The following DCC variants were observed in gnomAD, a reference collection of about 807,000 sequenced individuals.
DCC encodes DCC netrin 1 receptor.
A neutral mutation model predicts 172.5 loss-of-function variants in DCC; 58 were observed. That is an observed-to-expected ratio of 0.34 (90% CI 0.27 to 0.42). The LOEUF is 0.42. Ranked by LOEUF, DCC falls within the 10% of genes least tolerant of loss-of-function variation. The pLI is 1.00. For synonymous variants in DCC, 709 were observed against 644.5 expected, an observed-to-expected ratio of 1.10 and a Z score of -1.52; for missense variants, 1,740 against 1,791.0, an observed-to-expected ratio of 0.97 and a Z score of 0.51.
intron 28 of DCC, among the ~76,000 whole-genome samples, chr18:53,529,982 A>G (rs1187811050): frequency 1.3e-5 from 2 of 152,194 alleles, no homozygotes; most frequent in African/African-American, 2.4e-5. Flanking sequence ...CACAAACTAA[A>G]GTCATAATCT....
At chr18:53,090,935 G>C (rs985335458) in intron 7 of DCC, among the ~76,000 whole-genome samples, 2 of 151,802 alleles carry the variant, frequency 1.3e-5, no homozygotes, top group Non-Finnish European at 2.9e-5. Context: ...CATGTGTCCT[G>C]GGGTTCCTGA....
chr18:53,055,572 G>A (rs186042455), intron 5 of DCC, among the ~76,000 whole-genome samples: 4 of 152,230 alleles, frequency 2.6e-5, no homozygotes, highest in East Asian at 1.9e-4. Flanking sequence ...TTTCCAACGT[G>A]TAATACATTC....
intron 1 of DCC, among the ~76,000 whole-genome samples, chr18:52,571,193 A>C (rs1338664914): frequency 6.6e-6 from 1 of 152,132 alleles, no homozygotes; most frequent in African/African-American, 2.4e-5. Context: ...TCAGCTCCCC[A>C]AACTCCAATG....
chr18:53,530,546 CTCTCAT>C lies in DCC; in HGVS notation c.4255-13_4255-8del. 1 of 1,336,230 alleles carries C rather than the reference CTCTCAT, an allele frequency of 7.5e-7. No individual in the cohort carries two copies. The highest frequency in any genetic ancestry group is 1.2e-5 in the South Asian group (1 of 85,582). 82.8% of individuals were successfully genotyped at this position (1,336,230 alleles called of 1,614,324 possible). A position where few individuals can be genotyped will look rare whatever the true frequency, so the allele number is the denominator to read the frequency against. On this transcript the variant is annotated splice_polypyrimidine_tract_variant and intron_variant, in intron 28 of 28. Coordinates refer to ENST00000442544, the MANE Select transcript of DCC (RefSeq NM_005215.4). ...ATCAATATTTGTTACTAACTCTTGGCTCTCATTCTCTTTATAGGTGTATGAACAGGA... is the reference window on the plus strand; with the variant it reads ...ATCAATATTTGTTACTAACTCTTGGCTCTCTTTATAGGTGTATGAACAGGA...
At chr18:53,327,728 G>A (rs1056181217) in intron 14 of DCC, among the ~76,000 whole-genome samples, 3 of 152,254 alleles carry the variant, frequency 2.0e-5, no homozygotes, top group Middle Eastern at 3.4e-3. Context: ...ATTGGGGTAA[G>A]GAGTGCGATT....
intron 1 of DCC, among the ~76,000 whole-genome samples, chr18:52,751,779 G>A (rs1166508245): frequency 6.6e-6 from 1 of 152,058 alleles, no homozygotes; most frequent in East Asian, 1.9e-4. Context: ...TGTACTGACT[G>A]ATATGTGGTA....
chr18:53,266,399 T>G (rs1310777822), intron 12 of DCC, among the ~76,000 whole-genome samples: 1 of 152,204 alleles, frequency 6.6e-6, no homozygotes, highest in Non-Finnish European at 1.5e-5. Flanking sequence ...TTTATGATTT[T>G]TGTTATTTGA....
intron 2 of DCC, among the ~76,000 whole-genome samples, chr18:52,869,915 G>A (rs2039290833): frequency 6.6e-6 from 1 of 152,178 alleles, no homozygotes; most frequent in African/African-American, 2.4e-5. Context: ...GGTGCAGAGT[G>A]CAGAGACACC....
chr18:53,436,076 G>A (rs1343655307), intron 22 of DCC, among the ~76,000 whole-genome samples: 1 of 152,146 alleles, frequency 6.6e-6, no homozygotes, highest in African/African-American at 2.4e-5. Context: ...GAAATATCTT[G>A]TATGTCTGTG....
intron 2 of DCC, among the ~76,000 whole-genome samples, chr18:52,879,896 T>C (rs1393520086): frequency 6.6e-6 from 1 of 152,168 alleles, no homozygotes; most frequent in Non-Finnish European, 1.5e-5. Flanking sequence ...TTTTAAATTT[T>C]TGTGGGTACA....
At chr18:53,269,572 G>A (rs770190713) in intron 12 of DCC, among the ~76,000 whole-genome samples, 4 of 152,170 alleles carry the variant, frequency 2.6e-5, no homozygotes, top group African/African-American at 4.8e-5. Flanking sequence ...AATATTAATG[G>A]CAATTACATT....
intron 12 of DCC, among the ~76,000 whole-genome samples, chr18:53,258,343 G>C (rs538318875): frequency 6.6e-6 from 1 of 151,838 alleles, no homozygotes; most frequent in Non-Finnish European, 1.5e-5. Flanking sequence ...TCTCTGGTGG[G>C]CATTTAGTGC....
intron 5 of DCC, among the ~76,000 whole-genome samples, chr18:53,002,434 C>T (rs1458286979): frequency 6.6e-6 from 1 of 152,134 alleles, no homozygotes; most frequent in African/African-American, 2.4e-5. Flanking sequence ...CTTGCCGCCT[C>T]TTGTGGTTAA....
At chr18:53,035,872 C>A (rs144248389) in intron 5 of DCC, among the ~76,000 whole-genome samples, 1 of 149,298 alleles carries the variant, frequency 6.7e-6, no homozygotes, top group Non-Finnish European at 1.5e-5. Context: ...CACTTCCATA[C>A]ATATTTGCAT....
intron 1 of DCC, among the ~76,000 whole-genome samples, chr18:52,519,567 G>T (rs139417029): frequency 1.3e-5 from 2 of 152,310 alleles, no homozygotes; most frequent in African/African-American, 4.8e-5. Context: ...ATGGGGGAAA[G>T]TAAGAGAGGA....
chr18:53,376,493 A>T (rs1420368189), intron 15 of DCC, among the ~76,000 whole-genome samples: 7 of 152,260 alleles, frequency 4.6e-5, no homozygotes, highest in Admixed American at 3.9e-4. Flanking sequence ...TAAATTTGGT[A>T]GTACTCACCA....
intron 1 of DCC, among the ~76,000 whole-genome samples, chr18:52,618,446 C>T (rs928503237): frequency 2.6e-5 from 4 of 152,134 alleles, no homozygotes; most frequent in South Asian, 2.1e-4. Context: ...TCTCTAACTT[C>T]GACCCATTGG....
intron 23 of DCC, among the ~76,000 whole-genome samples, chr18:53,457,893 A>G (rs1000311068): frequency 6.6e-6 from 1 of 152,198 alleles, no homozygotes; most frequent in Non-Finnish European, 1.5e-5. Context: ...GCACGCTTCA[A>G]GAAAGACAAA....
intron 1 of DCC, among the ~76,000 whole-genome samples, chr18:52,707,924 T>C (rs953377787): frequency 1.3e-5 from 2 of 152,166 alleles, no homozygotes; most frequent in Non-Finnish European, 2.9e-5. Context: ...AGAAGTAAGT[T>C]CAAGACATTT....
Sources: gnomAD v4.1 joint callset for allele counts (sites outside exome capture counted in the v4.1 genomes callset) on GRCh38, gnomAD v4.1.1 for gene constraint, MANE v1.5 for transcripts, NCBI Gene and HGNC (gene_info 2026-07-23, HGNC 2026-07-21) for gene names.